Variants in LTBP1 observed in about 807,000 individuals in gnomAD.
The protein encoded by LTBP1 is latent-transforming growth factor beta-binding protein 1.
A neutral mutation model predicts 207.6 loss-of-function variants in LTBP1; 129 were observed. That is an observed-to-expected ratio of 0.62 (90% confidence interval 0.54 to 0.72). The LOEUF (loss-of-function observed/expected upper bound fraction) is 0.72. LTBP1 is among the 30% of genes least tolerant of loss of function. The pLI is 0.00. For synonymous variants in LTBP1, 963 were observed against 833.7 expected (o/e 1.16, Z -2.67); for missense variants, 2,281 against 2,217.2 (o/e 1.03, Z -0.58).
At chr2:33,248,880 C>T (rs1289548715) in intron 10 of LTBP1, among the ~76,000 whole-genome samples, 46 of 152,152 alleles carry the variant, frequency 3.0e-4, no homozygotes, top group Admixed American at 2.9e-3. Flanking sequence ...AGCCACCGCG[C>T]CCAGCCATGA....
chr2:33,237,172 A>G (rs1455294753), intron 9 of LTBP1, among the ~76,000 whole-genome samples: 1 of 152,220 alleles, frequency 6.6e-6, no homozygotes, highest in Non-Finnish European at 1.5e-5. Flanking sequence ...CCAGTTCAGA[A>G]GGATGTTAAT....
intron 20 of LTBP1, among the ~76,000 whole-genome samples, chr2:33,294,111 T>C (rs2093827170): frequency 6.7e-6 from 1 of 149,534 alleles, no homozygotes; most frequent in Admixed American, 6.8e-5. Context: ...GTTCAAGTGA[T>C]TCTCCTGCCT....
intron 2 of LTBP1, among the ~76,000 whole-genome samples, chr2:32,987,540 C>T (rs867642496): frequency 1.3e-5 from 2 of 152,112 alleles, no homozygotes; most frequent in African/African-American, 2.4e-5. Flanking sequence ...ATTTCCCTGC[C>T]ACCCACTTTG....
chr2:33,035,919 C>T (rs970907037), intron 3 of LTBP1, among the ~76,000 whole-genome samples: 2 of 152,184 alleles, frequency 1.3e-5, no homozygotes, highest in African/African-American at 2.4e-5. Flanking sequence ...GAGGCTCTTA[C>T]GTGGTCCTTG....
chr2:33,343,855 A>G (rs1316304065), intron 25 of LTBP1, among the ~76,000 whole-genome samples: 1 of 152,250 alleles, frequency 6.6e-6, no homozygotes, highest in Non-Finnish European at 1.5e-5. Flanking sequence ...CAAACTCATT[A>G]TGAAACATAT....
chr2:33,135,079 A>G, intron 5 of LTBP1, 119 bp downstream of exon 5: 1 of 1,022,412 alleles, frequency 9.8e-7, no homozygotes, highest in Non-Finnish European at 1.4e-6. Context: ...GTCTATGAGT[A>G]CGAGTATGTT....
intron 2 of LTBP1, among the ~76,000 whole-genome samples, chr2:32,968,087 C>T (rs1175188618): frequency 6.6e-6 from 1 of 152,170 alleles, no homozygotes; most frequent in Admixed American, 6.5e-5. Context: ...TGTGCCTCAG[C>T]CTTCTGAGTG....
intron 24 of LTBP1, among the ~76,000 whole-genome samples, chr2:33,328,460 G>A (rs1052243225): frequency 6.6e-6 from 1 of 152,184 alleles, no homozygotes; most frequent in Non-Finnish European, 1.5e-5. Flanking sequence ...TTAATTCACA[G>A]TTCATTGCTG....
At chr2:33,030,401 CTTTCATTCCTG>C (rs1242497192) in intron 3 of LTBP1, among the ~76,000 whole-genome samples, 3 of 152,156 alleles carry the variant, frequency 2.0e-5, no homozygotes, top group African/African-American at 7.2e-5. Context: ...CTCCATTCCT[CTTTCATTCCTG>C]TGGCTCCTAT....
intron 7 of LTBP1, among the ~76,000 whole-genome samples, chr2:33,200,406 G>A (rs1573132983): frequency 6.6e-6 from 1 of 152,152 alleles, no homozygotes; most frequent in East Asian, 1.9e-4. Context: ...ATGGTGCTGG[G>A]AAAACTGGCT....
At chr2:33,041,269 GTCTTT>G (rs1207725995) in intron 3 of LTBP1, among the ~76,000 whole-genome samples, 1 of 152,020 alleles carries the variant, frequency 6.6e-6, no homozygotes, top group Non-Finnish European at 1.5e-5. Flanking sequence ...TACAGACTGT[GTCTTT>G]TCTTTTTCTT....
In LTBP1 at chr2:33,315,216, A is replaced by G. The variant is rs1442176533; in HGVS notation, c.3677A>G (p.His1226Arg). The G allele has an allele frequency of 1.9e-6, 3 of 1,613,670 alleles. No homozygotes were observed. Among genetic ancestry groups the G allele is most frequent in the African/African-American group, 2.7e-5 (2 of 74,884 alleles). Residue 1226 changes from histidine to arginine, a missense_variant, in exon 24 of 34, where the codon CAT becomes CGT. This residue lies in a region of LTBP1 where 1,671 missense variants were observed against 1,634.8 expected (regional missense o/e 1.02). Transcript: ENST00000404816. ...TGCCTAAACACAGAGGGTTCTTTCCATTGTGTCTGCCAGCAGGGTTTCTCA... is the reference window on the plus strand; with the variant it reads ...TGCCTAAACACAGAGGGTTCTTTCCGTTGTGTCTGCCAGCAGGGTTTCTCA... Reference protein sequence around the residue: ...GECLNTEGSFHCVCQQGFSIS... With the variant: ...GECLNTEGSFRCVCQQGFSIS...
chr2:33,347,535 G>A (rs902518282), intron 26 of LTBP1, 25 bp downstream of exon 26: 1 of 1,613,012 alleles, frequency 6.2e-7, no homozygotes, highest in African/African-American at 1.3e-5. Context: ...CACTGTGCAA[G>A]GGAATGACAG....
chr2:33,211,326 T>G lies in LTBP1; in HGVS notation c.1702-6226T>G, dbSNP rs189570365. Among the ~76,000 whole-genome samples the G allele has an allele frequency of 5.3e-5, 8 of 152,328 alleles. No homozygotes were observed. In the East Asian group the frequency reaches 1.5e-3, roughly 29 times the overall value. On this transcript the variant is annotated intron_variant, in intron 7 of 33. Coordinates refer to ENST00000404816, the MANE Select transcript of LTBP1 (RefSeq NM_206943.4). ...CACACCAGGCACCAGTTGAGGAGGA[T>G]GATTGGGGCCTGGAGTCCAGCCCAT...
intron 12 of LTBP1, among the ~76,000 whole-genome samples, chr2:33,259,153 G>T (rs2092944668): frequency 6.6e-6 from 1 of 152,178 alleles, no homozygotes; most frequent in African/African-American, 2.4e-5. Flanking sequence ...TGAAATAAGT[G>T]ACATTCTTTT....
At chr2:32,964,452 T>A (rs1001315566) in intron 2 of LTBP1, among the ~76,000 whole-genome samples, 2 of 152,202 alleles carry the variant, frequency 1.3e-5, no homozygotes, top group African/African-American at 2.4e-5. Context: ...CTTGTTTCTC[T>A]CCAAGTAGAA....
At position 33,382,111 on chromosome 2, in the gene LTBP1, T is replaced by TTTTTTTTTTTTTG. The variant is rs1553316521; in HGVS notation, c.4712-7072_4712-7071insTTTTTTTTTTTGT. 2.9e-5 allele frequency among the ~76,000 whole-genome samples: 3 copies of TTTTTTTTTTTTTG among 103,652 alleles called. 1 individual carries two copies. The highest frequency in any genetic ancestry group is 1.5e-4 in the African/African-American group (3 of 20,682). The allele number at this position is 103,652 out of a possible 152,430, so 68.0% of individuals were successfully genotyped here. A position where few individuals can be genotyped will look rare whatever the true frequency, so the allele number is the denominator to read the frequency against. The stretch of plus-strand genomic sequence containing the variant: ...TTTTTTTTTTTTTTTTTTTTTTTTT[T>TTTTTTTTTTTTTG]TGAGACAGAGTCTCGCTCTGTTGCC... On this transcript the variant is annotated intron_variant, in intron 31 of 33. Coordinates refer to ENST00000404816, the MANE Select transcript of LTBP1 (RefSeq NM_206943.4).
chr2:33,292,986 C>A (rs2093804603), intron 19 of LTBP1, among the ~76,000 whole-genome samples, 174 bp from the exon 20 acceptor site: 1 of 152,202 alleles, frequency 6.6e-6, no homozygotes, highest in Non-Finnish European at 1.5e-5. Flanking sequence ...AACCGTCATC[C>A]ATTTAGCTCA....
chr2:33,218,554 G>A (rs2090886075), intron 8 of LTBP1, among the ~76,000 whole-genome samples: 1 of 152,092 alleles, frequency 6.6e-6, no homozygotes, highest in South Asian at 2.1e-4. Flanking sequence ...CTGCCAACAT[G>A]CCCAGCTAAT....
Sources: allele counts gnomAD v4.1 joint callset (sites outside exome capture counted in the v4.1 genomes callset), GRCh38; gene constraint gnomAD v4.1.1; regional missense constraint gnomAD v4.1.1; transcripts MANE v1.5; gene names NCBI Gene and HGNC (gene_info 2026-07-23, HGNC 2026-07-21).